Variants in RPAP3 observed in about 807,000 individuals in gnomAD.
RPAP3 encodes the protein RNA polymerase II-associated protein 3.
RPAP3 carries 58 observed loss-of-function variants against 88.8 expected under a neutral mutation model. The ratio of observed to expected loss-of-function variants is 0.65; its 90% CI spans 0.53 to 0.81. RPAP3 has a LOEUF of 0.81. Ranked by LOEUF, RPAP3 falls within the 40% of genes least tolerant of loss-of-function variation. The probability of loss-of-function intolerance (pLI) is 0.00; values close to 1 mark genes in which losing one functional copy is unlikely to be tolerated. For missense variants in RPAP3, 751 were observed against 764.3 expected (o/e 0.98, Z 0.20); for synonymous variants, 255 against 259.9 (o/e 0.98, Z 0.18).
chr12:47,664,509 T>G (rs575220618), intron 16 of RPAP3: 1 of 152,350 alleles, frequency 6.6e-6, no homozygotes, highest in African/African-American at 2.4e-5. Flanking sequence ...TTCTCAACAT[T>G]AAAACTGGAG....
Position 47,687,921 on chromosome 12 carries a change from A to C in RPAP3, c.819T>G (p.Ile273Met). 1 of 1,613,662 alleles carries C rather than the reference A, an allele frequency of 6.2e-7. No homozygotes were observed. Among genetic ancestry groups the C allele is most frequent in the Non-Finnish European group, 8.5e-7 (1 of 1,179,756 alleles). Residue 273 changes from isoleucine (I) to methionine (M), a missense_variant, in exon 8 of 17, where the codon ATT becomes ATG. Coordinates refer to ENST00000005386, the MANE Select transcript of RPAP3 (RefSeq NM_024604.3). ...IKSTEGERKQ[I>M]EAQQNKQQAI... ...CCTGCTGCTTATTCTGTTGTGCTTC[A>C]ATTTGCTTTCGCTCTCCTTCTGTTG...
At chr12:47,688,079 C>T in intron 7 of RPAP3, 78 bp from the exon 8 acceptor site, 1 of 1,185,856 alleles carries the variant, frequency 8.4e-7, no homozygotes, top group East Asian at 2.8e-5. Flanking sequence ...AACATAAATA[C>T]CTCAAATATA....
intron 10 of RPAP3, among the ~76,000 whole-genome samples, chr12:47,680,842 TAA>T (rs35594577): frequency 6.9e-6 from 1 of 145,972 alleles, no homozygotes; most frequent in Non-Finnish European, 1.5e-5. Context: ...AAGAGTTTTT[TAA>T]AAAAAAAAAA....
chr12:47,679,842 T>C (rs147413492), intron 10 of RPAP3, 68 bp from the exon 11 acceptor site: 2 of 1,082,718 alleles, frequency 1.8e-6, no homozygotes, highest in Admixed American at 1.9e-5. Flanking sequence ...CGCATGTATA[T>C]TCATGATATA....
intron 8 of RPAP3, among the ~76,000 whole-genome samples, chr12:47,687,510 G>A (rs1198541856): frequency 6.6e-6 from 1 of 152,066 alleles, no homozygotes; most frequent in African/African-American, 2.4e-5. Context: ...CTCAACTCAT[G>A]ATTAGTAGAG....
intron 7 of RPAP3, 91 bp from the exon 8 acceptor site, chr12:47,688,092 A>T: frequency 9.2e-7 from 1 of 1,081,684 alleles, no homozygotes; most frequent in Non-Finnish European, 1.2e-6. Flanking sequence ...CAAATATATT[A>T]GAATTTCTGC....
At chr12:47,671,577 T>G (rs1420821141) in intron 12 of RPAP3, among the ~76,000 whole-genome samples, 1 of 152,130 alleles carries the variant, frequency 6.6e-6, no homozygotes, top group African/African-American at 2.4e-5. Flanking sequence ...GTAAGAAAAT[T>G]TATAACAGAA....
At chr12:47,671,088 C>T (rs941473830) in intron 12 of RPAP3, among the ~76,000 whole-genome samples, 3 of 152,042 alleles carry the variant, frequency 2.0e-5, no homozygotes, top group Non-Finnish European at 4.4e-5. Flanking sequence ...AAATGGCTTT[C>T]ATTGTTTATC....
Position 47,687,901 on chromosome 12 carries a change from T to G in RPAP3, c.839A>C (p.Gln280Pro). The change falls in exon 8 of 17, where the codon CAG (glutamine) becomes CCG (proline). Residue 280 changes from glutamine to proline, a missense_variant. Coordinates refer to ENST00000005386, the MANE Select transcript of RPAP3 (RefSeq NM_024604.3). ...RKQIEAQQNK[Q>P]QAISEKDRGN... ...CCGATCTTTCTCTGAAATGGCCTGC[T>G]GCTTATTCTGTTGTGCTTCAATTTG... 1 of 1,613,354 alleles carries G rather than the reference T, an allele frequency of 6.2e-7. No individual in the cohort carries two copies. Among genetic ancestry groups the G allele is most frequent in the Non-Finnish European group, 8.5e-7 (1 of 1,179,550 alleles).
intron 12 of RPAP3, 38 bp from the exon 13 acceptor site, chr12:47,670,383 T>A: frequency 1.6e-6 from 2 of 1,236,818 alleles, no homozygotes; most frequent in East Asian, 2.4e-5. Context: ...ATCAAAATAT[T>A]AAAGGTTTCC....
chr12:47,686,744 TATC>T, intron 9 of RPAP3, 33 bp downstream of exon 9: 1 of 1,404,156 alleles, frequency 7.1e-7, no homozygotes, highest in Non-Finnish European at 9.4e-7. Flanking sequence ...TGTAAATTTT[TATC>T]CTGAACAGCA....
rs763440593 is a variant in RPAP3, at chr12:47,686,873, C to G, written c.899G>C (p.Arg300Thr). 61 of 1,602,226 alleles carry G rather than the reference C, an allele frequency of 3.8e-5. No homozygotes were observed. The highest frequency in any genetic ancestry group is 5.6e-5 in the South Asian group (5 of 89,762). ...NGFFKEGKYE[R>T]AIECYTRGIA... ...CCCTCGAGTATAGCATTCAATTGCT[C>G]TTTCATATTTCCCCTCTTTGAAAAA... Residue 300 changes from arginine (R) to threonine (T), a missense_variant, in exon 9 of 17, where the codon AGA becomes ACA. By Grantham distance (71) the Arg-to-Thr change is moderately conservative. Transcript: ENST00000005386.
chr12:47,671,103 T>TCACTACA (rs1393222859), intron 12 of RPAP3, among the ~76,000 whole-genome samples: 1 of 152,202 alleles, frequency 6.6e-6, no homozygotes, highest in Admixed American at 6.5e-5. Flanking sequence ...TTTATCTCAA[T>TCACTACA]CACTACACAC....
chr12:47,704,497 C>G (rs547981300), intron 1 of RPAP3, among the ~76,000 whole-genome samples: 13 of 151,496 alleles, frequency 8.6e-5, no homozygotes, highest in South Asian at 2.1e-4. Flanking sequence ...GCCTCCCGAG[C>G]AGCTGGGATT....
rs1486745865 is a variant in RPAP3, at chr12:47,669,066, A to C, written c.1563T>G (p.Ser521=). Residue 521 remains serine (S), a synonymous_variant, in exon 14 of 17, where the codon TCT becomes TCG. Transcript: ENST00000005386. ...TCTCTATGGGCATTTTCTCGCTGTA[A>C]GACTGACATACATCCTGCTTCAAAC... ...QASLKQDVCQ[S]YSEKMPIEIE... 3.7e-6 allele frequency: 6 copies of C among 1,614,026 alleles called. No homozygotes were observed. In the South Asian group the frequency reaches 5.5e-5, roughly 15 times the overall value.
Position 47,679,523 on chromosome 12 carries a change from G to A in RPAP3, c.1257C>T (p.Pro419=). The A allele has an allele frequency of 1.2e-6, 2 of 1,604,072 alleles. No individual in the cohort carries two copies. Among genetic ancestry groups the A allele is most frequent in the Non-Finnish European group, 1.7e-6 (2 of 1,174,084 alleles). ...ATCCAGGATGCGGTGGATTATCAAT[G>A]GGTTTTACCACATTTTGTCTTTGTG... The part of the protein sequence containing the change: ...DSTQRQNVVK[P]IDNPPHPGST... Residue 419 remains proline, a synonymous_variant, in exon 12 of 17, where the codon CCC becomes CCT. Coordinates refer to ENST00000005386, the MANE Select transcript of RPAP3 (RefSeq NM_024604.3).
At chr12:47,699,116 G>A (rs1939595052) in intron 3 of RPAP3, among the ~76,000 whole-genome samples, 2 of 152,132 alleles carry the variant, frequency 1.3e-5, no homozygotes, top group Non-Finnish European at 2.9e-5. Flanking sequence ...GCTCAGATCT[G>A]AACTAGAATG....
At chr12:47,676,570 C>A (rs1421960780) in intron 12 of RPAP3, among the ~76,000 whole-genome samples, 1 of 152,112 alleles carries the variant, frequency 6.6e-6, no homozygotes, top group African/African-American at 2.4e-5. Context: ...GGGATATCAC[C>A]ACTGATCCCA....
intron 9 of RPAP3, among the ~76,000 whole-genome samples, chr12:47,682,890 T>C (rs987575425): frequency 3.3e-5 from 5 of 152,226 alleles, no homozygotes; most frequent in Non-Finnish European, 7.3e-5. Flanking sequence ...TGCCTGATTA[T>C]ATCATTCAAG....
Sources: allele counts gnomAD v4.1 joint callset (sites outside exome capture counted in the v4.1 genomes callset), GRCh38; gene constraint gnomAD v4.1.1; transcripts MANE v1.5; gene names NCBI Gene and HGNC (gene_info 2026-07-23, HGNC 2026-07-21).